The following GBE1 variants were observed in gnomAD, a reference collection of about 807,000 sequenced individuals.
The protein encoded by GBE1 is 1,4-alpha-glucan branching enzyme 1.
Under a neutral mutation model 88.8 loss-of-function variants are expected in GBE1, and 70 were observed. The ratio of observed to expected loss-of-function variants is 0.79; its 90% CI spans 0.65 to 0.96. The LOEUF (loss-of-function observed/expected upper bound fraction) is 0.96, where lower values mean the gene tolerates loss of function less well. GBE1 is among the 40% of genes least tolerant of loss of function. The pLI is 0.00. For synonymous variants in GBE1, 284 were observed against 300.1 expected (o/e 0.95, Z 0.56); for missense variants, 872 against 871.0 (o/e 1.00, Z -0.01).
chr3:81,663,748 A>AC (rs1432655810), intron 3 of GBE1, among the ~76,000 whole-genome samples: 11 of 151,618 alleles, frequency 7.3e-5, no homozygotes, highest in South Asian at 6.3e-4. Flanking sequence ...GTAAACATTC[A>AC]CCCCCAGGCA....
intron 14 of GBE1, among the ~76,000 whole-genome samples, chr3:81,524,650 G>A (rs372231790): frequency 2.9e-4 from 44 of 151,846 alleles, no homozygotes; most frequent in African/African-American, 7.2e-4. Flanking sequence ...TCCCAGCACC[G>A]TCTATTGAAG....
intron 12 of GBE1, among the ~76,000 whole-genome samples, chr3:81,544,222 G>A (rs894362999): frequency 6.6e-6 from 1 of 152,096 alleles, no homozygotes; most frequent in African/African-American, 2.4e-5. Flanking sequence ...ACCTTTGGCT[G>A]GTTTATTCAA....
chr3:81,706,926 G>A (rs972841211), intron 1 of GBE1, among the ~76,000 whole-genome samples: 3 of 150,936 alleles, frequency 2.0e-5, no homozygotes, highest in African/African-American at 7.3e-5. Flanking sequence ...AAATAATTGA[G>A]AATTGAAATA....
intron 7 of GBE1, among the ~76,000 whole-genome samples, chr3:81,627,304 T>C (rs1704431173): frequency 6.6e-6 from 1 of 152,198 alleles, no homozygotes; most frequent in Admixed American, 6.6e-5. Context: ...TCAACAAATC[T>C]GTGTTTAAAT....
chr3:81,676,614 A>AT (rs1705258254), intron 2 of GBE1, among the ~76,000 whole-genome samples: 1 of 151,664 alleles, frequency 6.6e-6, no homozygotes, highest in African/African-American at 2.4e-5. Flanking sequence ...ACAATAATTA[A>AT]TTTTTTTTGG....
intron 6 of GBE1, among the ~76,000 whole-genome samples, chr3:81,645,852 AACTCCATGAC>A (rs1704755899): frequency 6.6e-6 from 1 of 152,206 alleles, no homozygotes; most frequent in African/African-American, 2.4e-5. Flanking sequence ...ATACATCATA[AACTCCATGAC>A]ACTGAGTGTT....
rs1173773574 is a variant in GBE1 at position 81,742,060 on chromosome 3, T to TC, written c.143+19314dup. 5.3e-5 allele frequency among the ~76,000 whole-genome samples: 8 copies of TC among 151,524 alleles called. No homozygotes were observed. The East Asian group carries it at 9.7e-4, about 18-fold the overall frequency. On this transcript the variant is annotated intron_variant, in intron 1 of 15. Coordinates refer to ENST00000429644, the MANE Select transcript of GBE1 (RefSeq NM_000158.4). ...CTTGCATGTTTCTGTTTGCCAGACT[T>TC]CCCCCCATTAAAAACCTAAATCCTT...
chr3:81,727,539 T>C (rs1706131257), intron 1 of GBE1, among the ~76,000 whole-genome samples: 1 of 152,226 alleles, frequency 6.6e-6, no homozygotes, highest in South Asian at 2.1e-4. Flanking sequence ...ACAGTGGTGA[T>C]GTCTGGGCTT....
At chr3:81,524,011 C>A (rs548710834) in intron 14 of GBE1, among the ~76,000 whole-genome samples, 1 of 151,704 alleles carries the variant, frequency 6.6e-6, no homozygotes, top group Non-Finnish European at 1.5e-5. Flanking sequence ...TGGGTGTATA[C>A]CTAGCAGTGG....
At chr3:81,650,956 G>GT (rs1704841285) in intron 3 of GBE1, among the ~76,000 whole-genome samples, 1 of 152,190 alleles carries the variant, frequency 6.6e-6, no homozygotes, top group South Asian at 2.1e-4. Context: ...GATTACAGGC[G>GT]TGAGCCAATG....
intron 6 of GBE1, 41 bp downstream of exon 6, chr3:81,646,351 G>A: frequency 8.3e-7 from 1 of 1,211,558 alleles, no homozygotes; most frequent in Non-Finnish European, 1.2e-6. Context: ...TTAAATTATT[G>A]GCTCAAAATA....
chr3:81,741,762 A>G (rs1362020975), intron 1 of GBE1, among the ~76,000 whole-genome samples: 1 of 149,444 alleles, frequency 6.7e-6, no homozygotes, highest in Non-Finnish European at 1.5e-5. Flanking sequence ...AATACTCTAT[A>G]TAATATATAA....
intron 1 of GBE1, chr3:81,743,614 G>A (rs1048534674): frequency 4.2e-5 from 64 of 1,533,996 alleles, no homozygotes; most frequent in Non-Finnish European, 5.1e-5. Flanking sequence ...AATCTGGGCC[G>A]AATCCAAGTG....
chr3:81,627,776 A>T (rs1193679297), intron 7 of GBE1, among the ~76,000 whole-genome samples: 1 of 149,808 alleles, frequency 6.7e-6, no homozygotes, highest in African/African-American at 2.4e-5. Context: ...TAAAAAACAT[A>T]TATATTTGTT....
intron 1 of GBE1, among the ~76,000 whole-genome samples, chr3:81,720,135 C>T (rs1295910572): frequency 6.6e-6 from 1 of 152,036 alleles, no homozygotes; most frequent in Non-Finnish European, 1.5e-5. Flanking sequence ...TTTGCCTTTA[C>T]TGAGAGAGAC....
At chr3:81,711,604 T>C (rs1358336860) in intron 1 of GBE1, among the ~76,000 whole-genome samples, 1 of 152,190 alleles carries the variant, frequency 6.6e-6, no homozygotes, top group Admixed American at 6.6e-5. Flanking sequence ...AGTGCAGCCT[T>C]GTAGAAAGCT....
chr3:81,513,144 T>C (rs936212367), intron 14 of GBE1, among the ~76,000 whole-genome samples: 6 of 151,542 alleles, frequency 4.0e-5, no homozygotes, highest in Non-Finnish European at 7.4e-5. Flanking sequence ...ATAGAGCTGA[T>C]AGCTGAAGGG....
chr3:81,620,007 T>A (rs1373917938), intron 7 of GBE1, among the ~76,000 whole-genome samples: 2 of 152,012 alleles, frequency 1.3e-5, no homozygotes, highest in South Asian at 2.1e-4. Flanking sequence ...TCTCCATATT[T>A]AAAAAAATAT....
In GBE1 at chr3:81,534,946, T is replaced by G. The variant is rs190096441; in HGVS notation, c.1934+249A>C. On this transcript the variant is annotated intron_variant, in intron 14 of 15. Transcript: ENST00000429644. ...CAGGACAGCAAGATCCACAGCTCTT[T>G]CCTTTGATGTGAACCACGTCTGCAC... The G allele has an allele frequency of 7.2e-5, 26 of 359,622 alleles. 1 individual carries two copies. In the East Asian group the frequency reaches 1.8e-3, roughly 25 times the overall value. The allele number at this position is 359,622 out of a possible 1,614,324, so 22.3% of individuals were successfully genotyped here. A position where few individuals can be genotyped will look rare whatever the true frequency, so the allele number is the denominator to read the frequency against.
Sources: allele counts gnomAD v4.1 joint callset (sites outside exome capture counted in the v4.1 genomes callset), GRCh38; gene constraint gnomAD v4.1.1; transcripts MANE v1.5; gene names NCBI Gene and HGNC (gene_info 2026-07-23, HGNC 2026-07-21).